BAHCC1: variants seen among roughly 807,000 people sequenced by gnomAD.
BAHCC1 encodes the protein BAH domain and coiled-coil containing 1.
A neutral mutation model predicts 88.2 loss-of-function variants in BAHCC1; 43 were observed. The observed-to-expected ratio is 0.49, with a 90% CI of 0.38 to 0.63. The LOEUF is 0.63. Ranked by LOEUF, BAHCC1 falls within the 20% of genes least tolerant of loss-of-function variation. The probability of loss-of-function intolerance (pLI) is 0.00; values close to 1 mark genes in which losing one functional copy is unlikely to be tolerated. For synonymous variants in BAHCC1, 1,510 were observed against 745.5 expected, an observed-to-expected ratio of 2.03 and a Z score of -16.71; for missense variants, 3,023 against 1,654.8, an observed-to-expected ratio of 1.83 and a Z score of -14.34.
At chr17:81,437,858 G>A (rs2064357269) in intron 3 of BAHCC1, among the ~76,000 whole-genome samples, 1 of 152,288 alleles carries the variant, frequency 6.6e-6, no homozygotes, top group East Asian at 1.9e-4. Context: ...GGCGTCGGAT[G>A]GACACACCTG....
chr17:81,442,558 C>G lies in BAHCC1; in HGVS notation c.1209C>G (p.Asp403Glu). The change falls in exon 5 of 28, where the codon GAC (aspartate) becomes GAG (glutamate). Residue 403 changes from aspartate to glutamate, a missense_variant. Coordinates refer to ENST00000675386, the MANE Select transcript of BAHCC1 (RefSeq NM_001377448.1). The part of the protein sequence containing the change: ...TFVPSVGHLA[D>E]KGRPFQAAEA... ...TGCCTTCTGTGGGACACCTGGCCGA[C>G]AAGGGCCGCCCCTTCCAGGCCGCCG... 1 of 746,020 alleles carries G rather than the reference C, an allele frequency of 1.3e-6. No homozygotes were observed. The allele number at this position is 746,020 out of a possible 1,614,324, so 46.2% of individuals were successfully genotyped here.
intron 23 of BAHCC1, among the ~76,000 whole-genome samples, chr17:81,460,036 G>T (rs535884133): frequency 6.6e-6 from 1 of 152,194 alleles, no homozygotes; most frequent in Non-Finnish European, 1.5e-5. Context: ...GCGTCAGCAC[G>T]TGTGGGGAGG....
intron 3 of BAHCC1, among the ~76,000 whole-genome samples, chr17:81,436,606 G>A (rs141455894): frequency 1.4e-5 from 2 of 145,056 alleles, no homozygotes; most frequent in African/African-American, 2.6e-5. Flanking sequence ...GCCCCAGGTC[G>A]CTCCCACCCC....
At chr17:81,454,229 G>A (rs1388617374) in intron 14 of BAHCC1, among the ~76,000 whole-genome samples, 2 of 152,228 alleles carry the variant, frequency 1.3e-5, no homozygotes, top group Admixed American at 6.5e-5. Context: ...CACACAAGAG[G>A]GGGAGCCCAG....
chr17:81,409,003 C>T (rs920406283), intron 2 of BAHCC1, among the ~76,000 whole-genome samples: 2 of 152,220 alleles, frequency 1.3e-5, no homozygotes, highest in African/African-American at 4.8e-5. Flanking sequence ...TCTGCTTTTC[C>T]CCTAGGATTT....
intron 26 of BAHCC1, 156 bp from the exon 27 acceptor site, chr17:81,462,584 G>C (rs1427850603): frequency 3.4e-6 from 2 of 592,384 alleles, no homozygotes; most frequent in East Asian, 2.8e-5. Flanking sequence ...ATGGCCTTAA[G>C]CCGCGGTGCT....
intron 2 of BAHCC1, among the ~76,000 whole-genome samples, chr17:81,403,890 TC>T (rs1315648122): frequency 3.2e-4 from 48 of 152,292 alleles, no homozygotes; most frequent in Admixed American, 3.0e-3. Context: ...AATGTGGGTT[TC>T]CCCCAGTGGG....
chr17:81,399,494 C>T lies in BAHCC1; in HGVS notation c.-206-40C>T, dbSNP rs2143155147. ...GCGGGGACCCCCGGGCGAGCCGAGCCCCCCAGTCACCCGTGTCTCCTCTGC... is the reference window on the plus strand; with the variant it reads ...GCGGGGACCCCCGGGCGAGCCGAGCTCCCCAGTCACCCGTGTCTCCTCTGC... On this transcript the variant is annotated intron_variant, in intron 1 of 27. Coordinates refer to ENST00000675386, the MANE Select transcript of BAHCC1 (RefSeq NM_001377448.1). This position sits in a 1 kb window ranked among gnomAD's most constrained non-coding sequence, Gnocchi z 4.5. 3.9e-6 allele frequency: 1 copy of T among 257,020 alleles called. No individual in the cohort carries two copies. The highest frequency in any genetic ancestry group is 3.0e-5 in the South Asian group (1 of 33,492). The allele number at this position is 257,020 out of a possible 1,614,324, so 15.9% of individuals were successfully genotyped here. A position where few individuals can be genotyped will look rare whatever the true frequency, so the allele number is the denominator to read the frequency against.
At chr17:81,433,514 T>TC (rs2064294506) in intron 3 of BAHCC1, among the ~76,000 whole-genome samples, 1 of 118,668 alleles carries the variant, frequency 8.4e-6, no homozygotes, top group Non-Finnish European at 1.8e-5. Flanking sequence ...CCGAGGTCCC[T>TC]GTGTGCCCAG....
At chr17:81,427,218 A>G (rs1045081061) in intron 3 of BAHCC1, among the ~76,000 whole-genome samples, 16 of 152,100 alleles carry the variant, frequency 1.1e-4, no homozygotes, top group African/African-American at 3.9e-4. Context: ...TGTGCTCCAG[A>G]TGGGCAGCAA....
intron 1 of BAHCC1, chr17:81,396,800 G>A (rs1382581795): frequency 2.0e-5 from 3 of 152,234 alleles, no homozygotes; most frequent in Non-Finnish European, 4.4e-5. Context: ...GGAGCCCTGT[G>A]CTCCTAGGTT....
chr17:81,427,403 G>A (rs1169893340), intron 3 of BAHCC1, among the ~76,000 whole-genome samples: 1 of 152,148 alleles, frequency 6.6e-6, no homozygotes, highest in African/African-American at 2.4e-5. Flanking sequence ...AGAGCTGTCA[G>A]CGCACACAGG....
At chr17:81,413,722 C>T (rs1040599682) in intron 2 of BAHCC1, among the ~76,000 whole-genome samples, 2 of 152,190 alleles carry the variant, frequency 1.3e-5, no homozygotes, top group Non-Finnish European at 2.9e-5. Context: ...CTTCCCTGCA[C>T]TCCAGGCTGG....
chr17:81,456,737 G>A lies in BAHCC1; in HGVS notation c.4858+152G>A, dbSNP rs1310278419. On this transcript the variant is annotated intron_variant, in intron 16 of 27. Coordinates refer to ENST00000675386, the MANE Select transcript of BAHCC1 (RefSeq NM_001377448.1). ...CCAAGGAGACGTTTTCACTGAACAGGCTGGGGAAGGAGATGAAGGTCTCAC... is the reference window on the plus strand; with the variant it reads ...CCAAGGAGACGTTTTCACTGAACAGACTGGGGAAGGAGATGAAGGTCTCAC... 1.9e-5 allele frequency: 11 copies of A among 573,396 alleles called. No individual in the cohort carries two copies. The South Asian group carries it at 2.5e-4, about 13-fold the overall frequency. 35.5% of individuals were successfully genotyped at this position (573,396 alleles called of 1,614,324 possible).
In BAHCC1 at chr17:81,458,312, G is replaced by A. The variant is rs782266175; in HGVS notation, c.5189G>A (p.Gly1730Asp). The A allele has an allele frequency of 5.3e-6, 4 of 749,722 alleles. No individual in the cohort carries two copies. Among genetic ancestry groups the A allele is most frequent in the Non-Finnish European group, 9.9e-6 (4 of 404,210 alleles). 46.4% of individuals were successfully genotyped at this position (749,722 alleles called of 1,614,324 possible). The part of the protein sequence containing the change: ...GKKKAKGKAK[G>D]SLRAEPGATP... ...AAGAAAGCCAAGGGCAAGGCCAAGGGCAGCCTGCGGGCAGAGCCGGGGGCC... is the reference window on the plus strand; with the variant it reads ...AAGAAAGCCAAGGGCAAGGCCAAGGACAGCCTGCGGGCAGAGCCGGGGGCC... Residue 1730 changes from glycine (G) to aspartate (D), a missense_variant, in exon 18 of 28, where the codon GGC becomes GAC. Gly to Asp is a moderately conservative substitution (Grantham distance 94). Coordinates refer to ENST00000675386, the MANE Select transcript of BAHCC1 (RefSeq NM_001377448.1).
In BAHCC1 at chr17:81,444,832, G is replaced by A; in HGVS notation, c.2671+6G>A. On this transcript the variant is annotated splice_donor_region_variant and intron_variant, in intron 8 of 27. Transcript: ENST00000675386. ...CAGCGCCCCCCACGCACTTGGTAAG[G>A]GCCCCTGGTCCAGGCTGCTGTACTT... is the stretch of plus-strand genomic sequence containing the variant. The A allele has an allele frequency of 1.3e-6, 1 of 773,174 alleles. No homozygotes were observed. The highest frequency in any genetic ancestry group is 2.4e-6 in the Non-Finnish European group (1 of 415,404). 47.9% of individuals were successfully genotyped at this position (773,174 alleles called of 1,614,324 possible). A position where few individuals can be genotyped will look rare whatever the true frequency, so the allele number is the denominator to read the frequency against.
At chr17:81,453,381 C>T (rs1555656397) in intron 14 of BAHCC1, among the ~76,000 whole-genome samples, 1 of 152,274 alleles carries the variant, frequency 6.6e-6, no homozygotes. Flanking sequence ...CCTCCGAGCT[C>T]CTCCAAACAC....
Position 81,461,230 on chromosome 17 carries a change from C to A in BAHCC1, c.6567C>A (p.Ala2189=), listed in dbSNP as rs782328667. Residue 2189 remains alanine, a synonymous_variant, in exon 26 of 28, where the codon GCC becomes GCA. Transcript: ENST00000675386. ...ACAAGCTGCTGCGGGCTAAGAAGGC[C>A]GAGAGGGTGGAGGCCGAGAAGGGTG... ...GAHKLLRAKK[A]ERVEAEKGGR... 20 of 715,436 alleles carry A rather than the reference C, an allele frequency of 2.8e-5. No homozygotes were observed. In the African/African-American group the frequency reaches 3.3e-4, roughly 12 times the overall value. The allele number at this position is 715,436 out of a possible 1,614,324, so 44.3% of individuals were successfully genotyped here.
chr17:81,395,699 T>G (rs923596763), intron 1 of BAHCC1, 64 bp downstream of exon 1: 1 of 152,144 alleles, frequency 6.6e-6, no homozygotes, highest in Non-Finnish European at 1.5e-5. Flanking sequence ...ATTTTATTTT[T>G]TATTCTGGCT....
Sources: allele counts gnomAD v4.1 joint callset (sites outside exome capture counted in the v4.1 genomes callset), GRCh38; gene constraint gnomAD v4.1.1; non-coding constraint Gnocchi (gnomAD v3.1); transcripts MANE v1.5; gene names NCBI Gene and HGNC (gene_info 2026-07-23, HGNC 2026-07-21).